Variants in CMSS1 observed in about 807,000 individuals in gnomAD.
CMSS1 encodes cms1 ribosomal small subunit homolog.
In CMSS1, 33 loss-of-function variants were observed where a neutral mutation model predicts 43.5. The ratio of observed to expected loss-of-function variants is 0.76; its 90% confidence interval spans 0.57 to 1.01. The LOEUF is 1.01. Ranked by LOEUF, CMSS1 falls within the 50% of genes least tolerant of loss-of-function variation. The pLI is 0.00. For missense variants in CMSS1, 313 were observed against 326.4 expected (o/e 0.96, Z 0.32); for synonymous variants, 115 against 117.2 (o/e 0.98, Z 0.12).
At chr3:99,876,978 A>C (rs1705556362) in intron 1 of CMSS1, among the ~76,000 whole-genome samples, 1 of 152,236 alleles carries the variant, frequency 6.6e-6, no homozygotes, top group Admixed American at 6.5e-5. Context: ...GGCAAACAAA[A>C]TAAAGCCAAA....
intron 1 of CMSS1, among the ~76,000 whole-genome samples, chr3:99,823,109 C>T (rs1283144245): frequency 1.3e-5 from 2 of 152,134 alleles, no homozygotes; most frequent in African/African-American, 2.4e-5. Context: ...CTTAAAGAGA[C>T]TCATAATTTA....
At chr3:99,873,622 T>A (rs757184397) in intron 1 of CMSS1, among the ~76,000 whole-genome samples, 12 of 152,222 alleles carry the variant, frequency 7.9e-5, no homozygotes, top group Non-Finnish European at 1.5e-4. Flanking sequence ...CATTTTCAGT[T>A]TTTTTTCTTA....
At chr3:100,082,906 C>T (rs541385467) in intron 1 of CMSS1, among the ~76,000 whole-genome samples, 1 of 152,296 alleles carries the variant, frequency 6.6e-6, no homozygotes, top group African/African-American at 2.4e-5. Context: ...GTACATTCCA[C>T]AATCTGTAGA....
chr3:100,069,792 G>T (rs1362662432), intron 1 of CMSS1, among the ~76,000 whole-genome samples: 1 of 152,130 alleles, frequency 6.6e-6, no homozygotes, highest in Non-Finnish European at 1.5e-5. Flanking sequence ...AGAATGGAGG[G>T]CCAGTCTATT....
intron 1 of CMSS1, among the ~76,000 whole-genome samples, chr3:99,971,463 A>G (rs993356925): frequency 6.6e-6 from 1 of 152,236 alleles, no homozygotes; most frequent in Non-Finnish European, 1.5e-5. Context: ...AGATGTCTGT[A>G]GAATCTGGGT....
At chr3:100,041,259 A>G (rs1442906572) in intron 1 of CMSS1, 2 of 152,192 alleles carry the variant, frequency 1.3e-5, no homozygotes, top group Non-Finnish European at 2.9e-5. Flanking sequence ...AATTTTGAGA[A>G]TGGCTTTTTA....
chr3:100,000,910 T>C (rs1451058396), intron 1 of CMSS1, among the ~76,000 whole-genome samples: 1 of 152,254 alleles, frequency 6.6e-6, no homozygotes, highest in Non-Finnish European at 1.5e-5. Context: ...AAGCCTGTAG[T>C]TGACCTACGG....
intron 8 of CMSS1, among the ~76,000 whole-genome samples, chr3:100,174,774 T>G (rs1343904977): frequency 6.6e-6 from 1 of 152,128 alleles, no homozygotes; most frequent in Non-Finnish European, 1.5e-5. Context: ...TCCCATGACA[T>G]TGGGATGTAT....
chr3:100,014,134 G>T (rs779358696), intron 1 of CMSS1, among the ~76,000 whole-genome samples: 22 of 151,032 alleles, frequency 1.5e-4, no homozygotes, highest in Non-Finnish European at 2.4e-4. Flanking sequence ...CATCCACATT[G>T]TTGAAAATGA....
chr3:100,042,300 AT>A (rs971083526), intron 1 of CMSS1, among the ~76,000 whole-genome samples: 11 of 151,660 alleles, frequency 7.3e-5, no homozygotes, highest in East Asian at 1.9e-4. Flanking sequence ...TATAAACTTG[AT>A]TTTTTTTTGT....
chr3:99,889,717 T>C (rs1388718295), intron 1 of CMSS1, among the ~76,000 whole-genome samples: 1 of 152,048 alleles, frequency 6.6e-6, no homozygotes, highest in African/African-American at 2.4e-5. Context: ...TGTATTCCTA[T>C]TCTATTAGGG....
chr3:100,074,254 G>A (rs1013344594), intron 1 of CMSS1, among the ~76,000 whole-genome samples: 4 of 152,216 alleles, frequency 2.6e-5, no homozygotes, highest in African/African-American at 4.8e-5. Flanking sequence ...ACTGTGGAGA[G>A]CTCTTCGCTG....
chr3:100,027,228 T>G (rs1319056542), intron 1 of CMSS1, among the ~76,000 whole-genome samples: 1 of 152,154 alleles, frequency 6.6e-6, no homozygotes, highest in Non-Finnish European at 1.5e-5. Context: ...TATTACCTGT[T>G]TTCTGCACTA....
intron 1 of CMSS1, among the ~76,000 whole-genome samples, chr3:99,928,907 G>A (rs1707382163): frequency 6.6e-6 from 1 of 152,186 alleles, no homozygotes; most frequent in Non-Finnish European, 1.5e-5. Context: ...CCGTAGAGAA[G>A]CAGATACATA....
intron 1 of CMSS1, among the ~76,000 whole-genome samples, chr3:99,919,542 T>G (rs1707058730): frequency 6.6e-6 from 1 of 151,696 alleles, no homozygotes; most frequent in Admixed American, 6.6e-5. Flanking sequence ...AACCTAAAAA[T>G]TAGATAAATT....
At chr3:99,841,265 A>G (rs1170281609) in intron 1 of CMSS1, among the ~76,000 whole-genome samples, 1 of 152,276 alleles carries the variant, frequency 6.6e-6, no homozygotes. Flanking sequence ...TTGTGTTAAT[A>G]CATTGTACCT....
At chr3:100,129,909 A>ACTTTT (rs1488866281) in intron 1 of CMSS1, among the ~76,000 whole-genome samples, 27 of 152,200 alleles carry the variant, frequency 1.8e-4, no homozygotes, top group African/African-American at 6.0e-4. Context: ...CTTCAACTTT[A>ACTTTT]CTTTTCTTTT....
chr3:99,852,690 TGCCTCG>T (rs1943761710), intron 1 of CMSS1, among the ~76,000 whole-genome samples: 1 of 152,090 alleles, frequency 6.6e-6, no homozygotes, highest in South Asian at 2.1e-4. Flanking sequence ...GTGATCCACC[TGCCTCG>T]GCCTCCCAAA....
intron 1 of CMSS1, among the ~76,000 whole-genome samples, chr3:99,834,771 A>G (rs1942828441): frequency 6.6e-6 from 1 of 152,178 alleles, no homozygotes. Context: ...GGTAGTATCT[A>G]GAGCACAAGC....
Sources: gnomAD v4.1 joint callset for allele counts (sites outside exome capture counted in the v4.1 genomes callset) on GRCh38, gnomAD v4.1.1 for gene constraint, MANE v1.5 for transcripts, NCBI Gene and HGNC (gene_info 2026-07-23, HGNC 2026-07-21) for gene names.